Variants in SPSB4 observed in about 807,000 individuals in gnomAD.
SPSB4 encodes the protein SPRY domain-containing SOCS box protein 4.
A neutral mutation model predicts 20.9 loss-of-function variants in SPSB4; 21 were observed. The observed-to-expected ratio is 1.01, with a 90% CI of 0.71 to 1.45. SPSB4 has a LOEUF of 1.45. SPSB4 is among the 40% of genes most tolerant of loss of function. The pLI, the probability that SPSB4 is intolerant of heterozygous loss-of-function variation, is 0.00. For synonymous variants in SPSB4, 207 were observed against 183.8 expected (o/e 1.13, Z -1.02); for missense variants, 399 against 399.2 (o/e 1.00, Z 0.00).
chr3:141,075,892 C>CAAAAAAAAAAAA (rs532646509), intron 2 of SPSB4, among the ~76,000 whole-genome samples: 17 of 68,758 alleles, frequency 2.5e-4, no homozygotes, highest in South Asian at 8.2e-4. Flanking sequence ...ACTAAAAATA[C>CAAAAAAAAAAAA]AAAAAAAAAA....
intron 2 of SPSB4, among the ~76,000 whole-genome samples, chr3:141,144,277 T>C (rs1157104402): frequency 1.3e-5 from 2 of 152,266 alleles, no homozygotes; most frequent in African/African-American, 4.8e-5. Context: ...TGATGATTCA[T>C]GAAGTTGAGC....
At chr3:141,066,836 G>A in intron 2 of SPSB4, 38 bp downstream of exon 2, 1 of 1,493,896 alleles carries the variant, frequency 6.7e-7, no homozygotes, top group Non-Finnish European at 8.9e-7. Flanking sequence ...GCTTTCAGAG[G>A]CTGCCAGGCC....
intron 2 of SPSB4, among the ~76,000 whole-genome samples, chr3:141,080,978 G>T (rs1938218990): frequency 6.6e-6 from 1 of 152,216 alleles, no homozygotes; most frequent in Non-Finnish European, 1.5e-5. Flanking sequence ...CCTCGGGGAA[G>T]TCAGCTCCTC....
At chr3:141,099,310 G>A (rs903231232) in intron 2 of SPSB4, among the ~76,000 whole-genome samples, 14 of 151,546 alleles carry the variant, frequency 9.2e-5, no homozygotes, top group South Asian at 4.2e-4. Context: ...TCAGCCTCCC[G>A]TGTAGCTGGG....
intron 2 of SPSB4, among the ~76,000 whole-genome samples, chr3:141,122,945 G>A (rs1394253773): frequency 1.3e-5 from 2 of 152,218 alleles, no homozygotes; most frequent in Admixed American, 6.5e-5. Context: ...TCCATGGGCT[G>A]CACGCACTGT....
chr3:141,088,682 A>T (rs558094601), intron 2 of SPSB4, among the ~76,000 whole-genome samples: 4 of 152,354 alleles, frequency 2.6e-5, no homozygotes, highest in Non-Finnish European at 1.5e-5. Context: ...CCAGGGAGAC[A>T]GTTCTGAGGT....
intron 2 of SPSB4, among the ~76,000 whole-genome samples, chr3:141,119,346 C>T (rs1938927991): frequency 1.3e-5 from 2 of 152,144 alleles, no homozygotes; most frequent in Non-Finnish European, 2.9e-5. Context: ...ATTTTGTATC[C>T]TGAGACTTTG....
At chr3:141,141,477 C>T (rs527691337) in intron 2 of SPSB4, among the ~76,000 whole-genome samples, 51 of 152,320 alleles carry the variant, frequency 3.3e-4, no homozygotes, top group African/African-American at 1.1e-3. Context: ...TGGCTCCACC[C>T]CCCCAGTTTT....
At chr3:141,061,288 AAG>A (rs1374072538) in intron 1 of SPSB4, among the ~76,000 whole-genome samples, 6 of 152,186 alleles carry the variant, frequency 3.9e-5, no homozygotes, top group Non-Finnish European at 8.8e-5. Context: ...ACCAAAAAAA[AAG>A]AGAGAATAAA....
At chr3:141,091,001 T>C (rs6804000) in intron 2 of SPSB4, among the ~76,000 whole-genome samples, 70,596 of 151,982 alleles carry the variant, frequency 0.46, 17,215 homozygotes, top group African/African-American at 0.62. Context: ...GATAACTCCA[T>C]GGTTTTGGGC....
chr3:141,102,898 G>T (rs1938633678), intron 2 of SPSB4, among the ~76,000 whole-genome samples: 1 of 152,136 alleles, frequency 6.6e-6, no homozygotes, highest in Non-Finnish European at 1.5e-5. Context: ...GCCTGCCCAT[G>T]AGGAAGAGGC....
chr3:141,110,705 C>G (rs960347987), intron 2 of SPSB4, among the ~76,000 whole-genome samples: 4 of 152,252 alleles, frequency 2.6e-5, no homozygotes, highest in Non-Finnish European at 5.9e-5. Context: ...AAAATTCACA[C>G]TGGCTCCTAA....
At chr3:141,127,834 A>C (rs1939072473) in intron 2 of SPSB4, among the ~76,000 whole-genome samples, 1 of 152,168 alleles carries the variant, frequency 6.6e-6, no homozygotes, top group Admixed American at 6.5e-5. Context: ...AGGAGGACAA[A>C]TATTCTCTTA....
At chr3:141,070,191 T>C (rs1937970823) in intron 2 of SPSB4, among the ~76,000 whole-genome samples, 1 of 152,050 alleles carries the variant, frequency 6.6e-6, no homozygotes, top group South Asian at 2.1e-4. Context: ...GTCCCAGGGG[T>C]TGTCCAGGGC....
intron 2 of SPSB4, among the ~76,000 whole-genome samples, chr3:141,103,829 C>T (rs896914607): frequency 2.0e-5 from 3 of 151,260 alleles, no homozygotes; most frequent in Non-Finnish European, 2.9e-5. Context: ...CCAAAAATGA[C>T]CTTTTTTTTT....
chr3:141,122,398 T>C (rs1022370290), intron 2 of SPSB4, among the ~76,000 whole-genome samples: 27 of 152,134 alleles, frequency 1.8e-4, no homozygotes, highest in Non-Finnish European at 4.0e-4. Flanking sequence ...GAGGAGGCAG[T>C]CTGTTCATTC....
At chr3:141,058,592 TGAG>T (rs756597442) in intron 1 of SPSB4, among the ~76,000 whole-genome samples, 40 of 152,162 alleles carry the variant, frequency 2.6e-4, no homozygotes, top group Non-Finnish European at 5.3e-4. Context: ...GTAGTGGAGA[TGAG>T]GAGAGGAGAA....
intron 2 of SPSB4, among the ~76,000 whole-genome samples, chr3:141,137,353 C>G (rs1576543494): frequency 6.6e-6 from 1 of 152,280 alleles, no homozygotes; most frequent in East Asian, 1.9e-4. Flanking sequence ...TTGCCCTGTC[C>G]AGAACTTCCA....
chr3:141,072,077 G>A (rs75871843), intron 2 of SPSB4, among the ~76,000 whole-genome samples: 1,882 of 152,324 alleles, frequency 0.012, 43 homozygotes, highest in African/African-American at 0.043. Context: ...GGGCCTGGTC[G>A]CCCCTTTGCC....
Sources: allele counts gnomAD v4.1 joint callset (sites outside exome capture counted in the v4.1 genomes callset), GRCh38; gene constraint gnomAD v4.1.1; transcripts MANE v1.5; gene names NCBI Gene and HGNC (gene_info 2026-07-23, HGNC 2026-07-21).